Variants in CA14 observed in about 807,000 individuals in gnomAD.
CA14 encodes the protein CA-XIV.
Under a neutral mutation model 48.8 loss-of-function variants are expected in CA14, and 44 were observed. The observed-to-expected ratio is 0.90, with a 90% CI of 0.71 to 1.16. CA14 has a LOEUF of 1.16. Among genes scored for constraint, CA14 ranks in the 50% most tolerant of loss-of-function variants. CA14 has a pLI of 0.00. For missense variants in CA14, 386 were observed against 401.0 expected (o/e 0.96, Z 0.32); for synonymous variants, 154 against 155.0 (o/e 0.99, Z 0.05).
intron 1 of CA14, 98 bp downstream of exon 1, chr1:150,258,281 G>A: frequency 1.0e-6 from 1 of 962,106 alleles, no homozygotes; most frequent in South Asian, 1.6e-5. Context: ...AGGAAGCCTA[G>A]AGGCTGGAAT....
In CA14 at chr1:150,263,881, G is replaced by A. The variant is rs782809620; in HGVS notation, c.947+3G>A. The stretch of plus-strand genomic sequence containing the variant: ...TATTTCATTGCTAGAAAGATTCGGT[G>A]AGGCCCTACTTTCCATTCCTCCAGT... On this transcript the variant is annotated splice_donor_region_variant and intron_variant, in intron 10 of 10. Transcript: ENST00000369111. 6.3e-7 allele frequency: 1 copy of A among 1,597,678 alleles called. No individual in the cohort carries two copies. Among genetic ancestry groups the A allele is most frequent in the Admixed American group, 1.7e-5 (1 of 59,762 alleles).
chr1:150,260,193 C>G, intron 2 of CA14, 22 bp downstream of exon 2: 1 of 1,613,232 alleles, frequency 6.2e-7, no homozygotes, highest in Non-Finnish European at 8.5e-7. Context: ...TCAAGGCCTC[C>G]CGACAACCCT....
rs1197173151 is a variant in CA14, at chr1:150,260,263, CCTTTACCTTCTCA to C, written c.76+94_76+106del. 6.4e-6 allele frequency: 8 copies of C among 1,244,528 alleles called. No individual in the cohort carries two copies. The African/African-American group carries it at 1.2e-4, about 18-fold the overall frequency. The allele number at this position is 1,244,528 out of a possible 1,614,324, so 77.1% of individuals were successfully genotyped here. On this transcript the variant is annotated intron_variant, in intron 2 of 10. Coordinates refer to ENST00000369111, the MANE Select transcript of CA14 (RefSeq NM_012113.3). ...ACACTGTGCGGGTGGGAGGAGACTTCCTTTACCTTCTCACCCTAGCTCCTCCCTTCTGGATCTC... is the reference window on the plus strand; with the variant it reads ...ACACTGTGCGGGTGGGAGGAGACTTCCCCTAGCTCCTCCCTTCTGGATCTC...
In CA14 at chr1:150,263,164, G is replaced by GT. The variant is rs782433764; in HGVS notation, c.691dup (p.Tyr231LeufsTer2). 115 of 1,614,032 alleles carry GT rather than the reference G, an allele frequency of 7.1e-5. No individual in the cohort carries two copies. The highest frequency in any genetic ancestry group is 8.9e-5 in the Non-Finnish European group (105 of 1,180,038). ...TTGCTACCAGAGTGTGCTCTGGACA[G>GT]TTTTTTATAGAAGGTCCCAGATTTC... On this transcript the variant is annotated frameshift_variant, in exon 7 of 11. Coordinates refer to ENST00000369111, the MANE Select transcript of CA14 (RefSeq NM_012113.3). LOFTEE classifies it high-confidence loss of function.
chr1:150,263,494 G>T, intron 8 of CA14, 75 bp downstream of exon 8: 1 of 1,606,780 alleles, frequency 6.2e-7, no homozygotes, highest in Non-Finnish European at 8.5e-7. Context: ...CCAATGGGAA[G>T]AAAAGGCTAA....
rs943900332 is a variant in CA14, at chr1:150,263,785, C to T, written c.863-9C>T. The T allele has an allele frequency of 6.8e-6, 11 of 1,613,572 alleles. No homozygotes were observed. Among genetic ancestry groups the T allele is most frequent in the Non-Finnish European group, 9.3e-6 (11 of 1,179,454 alleles). On this transcript the variant is annotated splice_polypyrimidine_tract_variant and intron_variant, in intron 9 of 10. Coordinates refer to ENST00000369111, the MANE Select transcript of CA14 (RefSeq NM_012113.3). ...CTAGGCTGACACCTTTTACCTTTAT[C>T]TCCCCCAGGTGAAATGCTGAGTCTA...
intron 1 of CA14, among the ~76,000 whole-genome samples, chr1:150,258,828 A>C (rs587712850): frequency 1.3e-5 from 2 of 152,356 alleles, no homozygotes; most frequent in Admixed American, 1.3e-4. Context: ...AGGAACTCCT[A>C]GACCTCATTT....
chr1:150,257,955 C>A lies in CA14; in HGVS notation c.-174C>A. On this transcript the variant is annotated 5_prime_UTR_variant, in exon 1 of 11. Coordinates refer to ENST00000369111, the MANE Select transcript of CA14 (RefSeq NM_012113.3). The stretch of plus-strand genomic sequence containing the variant: ...CATGATACCCTACTGAACACCGAAT[C>A]CCCTGGAAGCCCACAGAGACAGAGA... 1 of 440,542 alleles carries A rather than the reference C, an allele frequency of 2.3e-6. No homozygotes were observed. The highest frequency in any genetic ancestry group is 4.2e-6 in the Non-Finnish European group (1 of 240,940). The allele number at this position is 440,542 out of a possible 1,614,324, so 27.3% of individuals were successfully genotyped here.
rs200920819 is a variant in CA14 at position 150,262,293 on chromosome 1, T to C, written c.392T>C (p.Phe131Ser). The C allele has an allele frequency of 1.5e-4, 241 of 1,598,674 alleles. 1 individual carries two copies. The East Asian group carries it at 2.0e-3, about 13-fold the overall frequency. ...SEHQINSEAT[F>S]AELHIVHYDS... ...CACCAGATCAACAGTGAAGCCACATTTGCAGAGGTACCAGGGAACAAAGAG... is the reference window on the plus strand; with the variant it reads ...CACCAGATCAACAGTGAAGCCACATCTGCAGAGGTACCAGGGAACAAAGAG... Residue 131 changes from phenylalanine (F) to serine (S), a missense_variant, in exon 4 of 11, where the codon TTT (phenylalanine) becomes TCT (serine). Phe to Ser is a radical substitution (Grantham distance 155, BLOSUM62 -2). Coordinates refer to ENST00000369111, the MANE Select transcript of CA14 (RefSeq NM_012113.3).
intron 4 of CA14, 80 bp from the exon 5 acceptor site, chr1:150,262,445 G>A: frequency 6.8e-7 from 1 of 1,474,198 alleles, no homozygotes; most frequent in Non-Finnish European, 9.5e-7. Flanking sequence ...GGGGACAGCG[G>A]GGGGATGGTG....
At position 150,261,457 on chromosome 1, in the gene CA14, A is replaced by C. The variant is rs782331580; in HGVS notation, c.77-2A>C. On this transcript the variant is annotated splice_acceptor_variant, in intron 2 of 10. Coordinates refer to ENST00000369111, the MANE Select transcript of CA14 (RefSeq NM_012113.3). LOFTEE classifies it high-confidence loss of function. ...ACCAATGTCTTTGGTAACCCCCACC[A>C]GGCCCACATGGTCAGGACCATTGGC... 2 of 1,613,492 alleles carry C rather than the reference A, an allele frequency of 1.2e-6. No homozygotes were observed. Among genetic ancestry groups the C allele is most frequent in the South Asian group, 2.2e-5 (2 of 91,036 alleles).
chr1:150,262,958 C>G (rs1184515290), intron 6 of CA14, 84 bp from the exon 7 acceptor site: 4 of 1,584,398 alleles, frequency 2.5e-6, no homozygotes, highest in Non-Finnish European at 3.5e-6. Context: ...TTACATAGAG[C>G]CAAGGAATTT....
At position 150,262,264 on chromosome 1, in the gene CA14, A is replaced by G; in HGVS notation, c.363A>G (p.Ser121=). 6.2e-7 allele frequency: 1 copy of G among 1,609,974 alleles called. No individual in the cohort carries two copies. The highest frequency in any genetic ancestry group is 8.5e-7 in the Non-Finnish European group (1 of 1,178,068). ...GTCAGAAAGGATCCCCAGGGGGGTC[A>G]GAACACCAGATCAACAGTGAAGCCA... The part of the protein sequence containing the change: ...HWGQKGSPGG[S]EHQINSEATF... The change falls in exon 4 of 11, where the codon TCA becomes TCG. Residue 121 remains serine (S), a synonymous_variant. Transcript: ENST00000369111.
chr1:150,262,809 T>C lies in CA14; in HGVS notation c.501T>C (p.Gly167=), dbSNP rs374179469. Residue 167 remains glycine, a synonymous_variant, in exon 6 of 11, where the codon GGT becomes GGC. Coordinates refer to ENST00000369111, the MANE Select transcript of CA14 (RefSeq NM_012113.3). ...LAVLGILIEV[G]ETKNIAYEHI... is the part of the protein sequence containing the mutation. ...TCCCTTTCCTTCTCTTCCAGGTGGG[T>C]GAGACTAAGAATATAGCTTATGAAC... 6 of 1,609,104 alleles carry C rather than the reference T, an allele frequency of 3.7e-6. No individual in the cohort carries two copies. In the African/African-American group the frequency reaches 5.3e-5, roughly 14 times the overall value.
At chr1:150,262,913 C>G (rs1553848226) in intron 6 of CA14, 43 bp downstream of exon 6, 1 of 1,585,744 alleles carries the variant, frequency 6.3e-7, no homozygotes, top group Non-Finnish European at 8.7e-7. Flanking sequence ...ATTAGACTTT[C>G]AAAAACTATC....
intron 3 of CA14, 82 bp downstream of exon 3, chr1:150,261,720 G>C (rs782323854): frequency 1.4e-4 from 188 of 1,305,208 alleles, no homozygotes; most frequent in Middle Eastern, 1.9e-4. Context: ...TGGGCATGAT[G>C]ATGGGGTGTT....
Position 150,261,543 on chromosome 1 carries a change from G to T in CA14, c.161G>T (p.Ser54Ile). ...AQSPIDIQTDSVTFDPDLPAL... is the reference protein window; with the variant it reads ...AQSPIDIQTDIVTFDPDLPAL... ...TCGCCCATCGATATTCAGACAGACAGTGTGACATTTGACCCTGATTTGCCT... is the reference window on the plus strand; with the variant it reads ...TCGCCCATCGATATTCAGACAGACATTGTGACATTTGACCCTGATTTGCCT... Residue 54 changes from serine (S) to isoleucine (I), a missense_variant, in exon 3 of 11, where the codon AGT (serine) becomes ATT (isoleucine). Transcript: ENST00000369111. 1 of 1,614,188 alleles carries T rather than the reference G, an allele frequency of 6.2e-7. No homozygotes were observed. The highest frequency in any genetic ancestry group is 8.5e-7 in the Non-Finnish European group (1 of 1,180,032).
rs782150123 is a variant in CA14 at position 150,263,913 on chromosome 1, TTC to T, written c.947+37_947+38del. 245 of 1,255,614 alleles carry T rather than the reference TTC, an allele frequency of 2.0e-4. 11 individuals are homozygous for T. Among genetic ancestry groups the T allele is most frequent in the Admixed American group, 1.6e-3 (59 of 35,886 alleles). The allele number at this position is 1,255,614 out of a possible 1,614,324, so 77.8% of individuals were successfully genotyped here. A position where few individuals can be genotyped will look rare whatever the true frequency, so the allele number is the denominator to read the frequency against. ...TACTTTCCATTCCTCCAGTCCCTTC[TTC>T]TTTTTTTTTTTTTTTTTGGTAGGTG... On this transcript the variant is annotated intron_variant, in intron 10 of 10. Transcript: ENST00000369111.
intron 10 of CA14, among the ~76,000 whole-genome samples, chr1:150,264,201 T>C (rs1553848813): frequency 6.6e-6 from 1 of 151,882 alleles, no homozygotes; most frequent in Non-Finnish European, 1.5e-5. Context: ...ACTGGGATTA[T>C]AGGCATGAGC....
Sources: allele counts gnomAD v4.1 joint callset (sites outside exome capture counted in the v4.1 genomes callset), GRCh38; gene constraint gnomAD v4.1.1; transcripts MANE v1.5; gene names NCBI Gene and HGNC (gene_info 2026-07-23, HGNC 2026-07-21).